RELN: variants seen among roughly 807,000 people sequenced by gnomAD.
The protein encoded by RELN is reelin.
A neutral mutation model predicts 427.6 loss-of-function variants in RELN; 108 were observed. That is an observed-to-expected ratio of 0.25 (90% CI 0.22 to 0.30). The LOEUF (loss-of-function observed/expected upper bound fraction) is 0.30. RELN is among the 10% of genes least tolerant of loss of function. RELN has a pLI of 1.00. For synonymous variants in RELN, 1,524 were observed against 1,513.4 expected, an observed-to-expected ratio of 1.01 and a Z score of -0.16; for missense variants, 3,715 against 4,302.8, an observed-to-expected ratio of 0.86 and a Z score of 3.82.
chr7:103,900,454 G>A (rs184123420), intron 2 of RELN, among the ~76,000 whole-genome samples: 1,693 of 152,064 alleles, frequency 0.011, 35 homozygotes, highest in African/African-American at 0.038. Context: ...CTACTTTAAA[G>A]TTCATATGGA....
chr7:103,966,971 T>A (rs1796672583), intron 1 of RELN, among the ~76,000 whole-genome samples: 1 of 152,230 alleles, frequency 6.6e-6, no homozygotes, highest in Admixed American at 6.5e-5. Flanking sequence ...CCCCTACACC[T>A]AATCAAAGCT....
chr7:103,860,680 G>A (rs1794051915), intron 2 of RELN, among the ~76,000 whole-genome samples: 1 of 151,876 alleles, frequency 6.6e-6, no homozygotes, highest in Admixed American at 6.6e-5. Context: ...CAAAGTGCTG[G>A]GATTACAGGC....
chr7:103,555,672 C>T (rs1195701951), intron 38 of RELN, among the ~76,000 whole-genome samples: 8 of 152,068 alleles, frequency 5.3e-5, no homozygotes, highest in Non-Finnish European at 1.2e-4. Context: ...GGGGTTTCAT[C>T]ATGTTGGCCA....
At chr7:103,936,723 CACAG>C (rs529176445) in intron 1 of RELN, among the ~76,000 whole-genome samples, 25,013 of 126,640 alleles carry the variant, frequency 0.2, 2,269 homozygotes, top group Admixed American at 0.29. Flanking sequence ...CACACACACA[CACAG>C]ACAGACAGAC....
intron 11 of RELN, among the ~76,000 whole-genome samples, chr7:103,669,425 T>G (rs529691315): frequency 6.9e-4 from 105 of 152,294 alleles, no homozygotes; most frequent in African/African-American, 2.4e-3. Flanking sequence ...GGCTCAAACA[T>G]GGTTGGAGGC....
intron 3 of RELN, among the ~76,000 whole-genome samples, chr7:103,825,197 C>T (rs1793105623): frequency 6.6e-6 from 1 of 152,000 alleles, no homozygotes; most frequent in Non-Finnish European, 1.5e-5. Flanking sequence ...CGTAAGGGCA[C>T]ATTTGAAAAG....
chr7:103,481,901 T>C (rs1379826383), intron 63 of RELN: 1 of 152,232 alleles, frequency 6.6e-6, no homozygotes, highest in African/African-American at 2.4e-5. Flanking sequence ...CCCAGCAAGT[T>C]GTCCAAAAGC....
rs1056090741 is a variant in RELN at position 103,968,107 on chromosome 7, C to T, written c.226+21024G>A. Among the ~76,000 whole-genome samples the T allele has an allele frequency of 2.6e-5, 4 of 151,146 alleles. No homozygotes were observed. Among genetic ancestry groups the T allele is most frequent in the Non-Finnish European group, 4.4e-5 (3 of 67,828 alleles). On this transcript the variant is annotated intron_variant, in intron 1 of 64. Transcript: ENST00000428762. This position sits in a 1 kb window ranked among gnomAD's most constrained non-coding sequence, Gnocchi z 4.3. Reference sequence around the variant, plus strand: ...CTCAAACTTGATGGCAGGAAAAACTCAACTTGTATTTCATTGATCAAACAG... The same window carrying T: ...CTCAAACTTGATGGCAGGAAAAACTTAACTTGTATTTCATTGATCAAACAG...
At chr7:103,518,098 A>G (rs990597207) in intron 49 of RELN, among the ~76,000 whole-genome samples, 8 of 152,264 alleles carry the variant, frequency 5.3e-5, no homozygotes, top group African/African-American at 1.9e-4. Context: ...AACCTGGGTC[A>G]CTGGTGCTTG....
At chr7:103,775,804 T>C (rs746973317) in intron 4 of RELN, among the ~76,000 whole-genome samples, 13 of 152,230 alleles carry the variant, frequency 8.5e-5, no homozygotes, top group Non-Finnish European at 1.8e-4. Flanking sequence ...GTAAGCTCTA[T>C]GTCAGCATCT....
chr7:103,761,629 G>C (rs1627863), intron 4 of RELN, among the ~76,000 whole-genome samples: 1 of 149,338 alleles, frequency 6.7e-6, no homozygotes, highest in South Asian at 2.1e-4. Context: ...ATTTTTTTTT[G>C]GGGGGGGGTA....
chr7:103,965,003 G>A (rs538597342), intron 1 of RELN, among the ~76,000 whole-genome samples: 5 of 152,274 alleles, frequency 3.3e-5, no homozygotes, highest in African/African-American at 1.2e-4. Context: ...TCATTGTGAG[G>A]AAGAAATAAT....
At chr7:103,698,673 C>T (rs2115784952) in intron 9 of RELN, among the ~76,000 whole-genome samples, 1 of 152,082 alleles carries the variant, frequency 6.6e-6, no homozygotes, top group East Asian at 1.9e-4. Flanking sequence ...TCACCATGCC[C>T]AGCTAATTTT....
Position 103,973,708 on chromosome 7 carries a change from A to G in RELN, c.226+15423T>C, listed in dbSNP as rs181492827. On this transcript the variant is annotated intron_variant, in intron 1 of 64. Transcript: ENST00000428762. ...AGTAAAATGTTGTGGAGCCATGAAA[A>G]TGATGTTTTTGAAAAATGTTGATAT... 8.7e-4 allele frequency among the ~76,000 whole-genome samples: 133 copies of G among 152,328 alleles called. 1 individual carries two copies. Among genetic ancestry groups the G allele is most frequent in the Admixed American group, 4.2e-3 (64 of 15,306 alleles).
intron 1 of RELN, among the ~76,000 whole-genome samples, chr7:103,927,390 TA>T (rs1206153180): frequency 6.6e-6 from 1 of 152,164 alleles, no homozygotes; most frequent in Non-Finnish European, 1.5e-5. Context: ...ATTCACAAAA[TA>T]AATGTTAAAT....
chr7:103,611,561 G>A (rs370099054), intron 21 of RELN, 50 bp downstream of exon 21: 1 of 1,450,198 alleles, frequency 6.9e-7, no homozygotes, highest in Non-Finnish European at 9.5e-7. Context: ...GGCTTCCTAG[G>A]TAAAAGGCAG....
chr7:103,759,302 G>A (rs1315762246), intron 4 of RELN, among the ~76,000 whole-genome samples: 2 of 152,134 alleles, frequency 1.3e-5, no homozygotes, highest in East Asian at 1.9e-4. Context: ...ACGTGGAACA[G>A]TCATGAAAAG....
intron 10 of RELN, among the ~76,000 whole-genome samples, chr7:103,682,786 C>T (rs551104821): frequency 6.6e-6 from 1 of 152,236 alleles, no homozygotes; most frequent in East Asian, 1.9e-4. Flanking sequence ...ATATTCTCAA[C>T]CAGTTTCTGA....
At chr7:103,669,761 T>C (rs1017760719) in intron 11 of RELN, among the ~76,000 whole-genome samples, 3 of 152,126 alleles carry the variant, frequency 2.0e-5, no homozygotes, top group African/African-American at 4.8e-5. Flanking sequence ...GGAAATGCAG[T>C]TCTATGTGAA....
Sources: allele counts gnomAD v4.1 joint callset (sites outside exome capture counted in the v4.1 genomes callset), GRCh38; gene constraint gnomAD v4.1.1; non-coding constraint Gnocchi (gnomAD v3.1); transcripts MANE v1.5; gene names NCBI Gene and HGNC (gene_info 2026-07-23, HGNC 2026-07-21).